MYH11: variants seen among roughly 807,000 people sequenced by gnomAD.
MYH11 encodes myosin-11.
In MYH11, 80 loss-of-function variants were observed where a neutral mutation model predicts 246.6. That is an observed-to-expected ratio of 0.32 (90% CI 0.27 to 0.39). MYH11 has a LOEUF of 0.39. MYH11 is among the 10% of genes least tolerant of loss of function. The pLI is 1.00. For missense variants in MYH11, 2,158 were observed against 2,546.8 expected (o/e 0.85, Z 3.29); for synonymous variants, 1,071 against 1,015.5 (o/e 1.05, Z -1.04).
Position 15,756,257 on chromosome 16 carries a change from T to C in MYH11, c.1749+84A>G, listed in dbSNP as rs2151272704. ...TTTGCAGTTTCCAGGCAGCCCAAGG[T>C]TCTGCCACTCTCAGACTGTCTCTGC... On this transcript the variant is annotated intron_variant, in intron 14 of 40. Coordinates refer to ENST00000300036, the MANE Select transcript of MYH11 (RefSeq NM_002474.3). 4.0e-6 allele frequency: 6 copies of C among 1,481,516 alleles called. No homozygotes were observed. The East Asian group carries it at 1.4e-4, about 35-fold the overall frequency. 91.8% of individuals were successfully genotyped at this position (1,481,516 alleles called of 1,614,324 possible).
chr16:15,855,806 CA>C (rs1334602720), intron 1 of MYH11, among the ~76,000 whole-genome samples: 1 of 152,170 alleles, frequency 6.6e-6, no homozygotes, highest in African/African-American at 2.4e-5. Context: ...ATCAAAGAAA[CA>C]AAAAACTATG....
chr16:15,720,596 A>G (rs946675643), intron 33 of MYH11, among the ~76,000 whole-genome samples: 11 of 152,016 alleles, frequency 7.2e-5, no homozygotes, highest in Non-Finnish European at 1.6e-4. Context: ...TGAAAAAAAA[A>G]AAAAAATTAG....
Position 15,724,700 on chromosome 16 carries a change from C to T in MYH11, c.4063G>A (p.Glu1355Lys). 2 of 1,614,196 alleles carry T rather than the reference C, an allele frequency of 1.2e-6. No homozygotes were observed. The highest frequency in any genetic ancestry group is 1.1e-5 in the South Asian group (1 of 91,086). ...TCCAGGTTCTGCTTGGCCTCCATCT[C>T]CTCGTCCAGCTGGTCTTGCAGGCTG... ...RNSLQDQLDE[E>K]MEAKQNLERH... Residue 1355 changes from glutamate to lysine, a missense_variant, in exon 30 of 41, where the codon GAG becomes AAG. Transcript: ENST00000300036.
Position 15,852,036 on chromosome 16 carries a change from G to T in MYH11, c.-18+4905C>A, listed in dbSNP as rs548638552. Among the ~76,000 whole-genome samples, 72 of 152,308 alleles carry T rather than the reference G, an allele frequency of 4.7e-4. No individual in the cohort carries two copies. The South Asian group carries it at 9.7e-3, about 21-fold the overall frequency. On this transcript the variant is annotated intron_variant, in intron 1 of 40. Coordinates refer to ENST00000300036, the MANE Select transcript of MYH11 (RefSeq NM_002474.3). Reference sequence around the variant, plus strand: ...TGTTAGGAACCAGGCCACATAGCAGGAGGGGACGGTGGGTGAGTGACCATC... The same window carrying T: ...TGTTAGGAACCAGGCCACATAGCAGTAGGGGACGGTGGGTGAGTGACCATC...
chr16:15,786,662 A>G lies in MYH11; in HGVS notation c.601T>C (p.Ser201Pro). 1 of 1,614,064 alleles carries G rather than the reference A, an allele frequency of 6.2e-7. No individual in the cohort carries two copies. Among genetic ancestry groups the G allele is most frequent in the Non-Finnish European group, 8.5e-7 (1 of 1,179,998 alleles). The change falls in exon 5 of 41, where the codon TCC becomes CCC. Residue 201 changes from serine to proline, a missense_variant. By Grantham distance (74) the Ser-to-Pro change is moderately conservative (BLOSUM62 -1). Coordinates refer to ENST00000300036, the MANE Select transcript of MYH11 (RefSeq NM_002474.3). ...CTTGTGTCTTTCTTGCCCTTGTGGG[A>G]GGAGGCCACCACGGCCAGGTACTGA... is the stretch of plus-strand genomic sequence containing the variant. ...VIQYLAVVASSHKGKKDTSIT... is the reference protein window; with the variant it reads ...VIQYLAVVASPHKGKKDTSIT...
chr16:15,836,705 AT>A (rs956437934), intron 2 of MYH11, among the ~76,000 whole-genome samples: 40 of 132,388 alleles, frequency 3.0e-4, no homozygotes, highest in African/African-American at 1.0e-3. Flanking sequence ...CAGCTAATAA[AT>A]TTTTTAATGT....
intron 8 of MYH11, among the ~76,000 whole-genome samples, chr16:15,773,709 A>G (rs1388695045): frequency 1.3e-5 from 2 of 152,068 alleles, no homozygotes; most frequent in Non-Finnish European, 2.9e-5. Flanking sequence ...GTCCTTGTTT[A>G]TTTCTCATGG....
At chr16:15,755,958 C>T (rs777708435) in intron 14 of MYH11, among the ~76,000 whole-genome samples, 1 of 151,766 alleles carries the variant, frequency 6.6e-6, no homozygotes, top group Non-Finnish European at 1.5e-5. Flanking sequence ...TTTAGCTGGG[C>T]ATGGTGGTGT....
intron 40 of MYH11, among the ~76,000 whole-genome samples, chr16:15,706,247 C>G (rs1227013048): frequency 1.3e-5 from 2 of 152,204 alleles, no homozygotes; most frequent in East Asian, 3.9e-4. Context: ...CTCCATCCTT[C>G]TCTCTCTAGA....
At chr16:15,834,725 G>A (rs535861021) in intron 2 of MYH11, among the ~76,000 whole-genome samples, 1 of 152,176 alleles carries the variant, frequency 6.6e-6, no homozygotes, top group Admixed American at 6.6e-5. Flanking sequence ...GGGATGCTGT[G>A]TTAAATAAAA....
chr16:15,790,479 T>C (rs886695885), intron 4 of MYH11, among the ~76,000 whole-genome samples: 7 of 152,094 alleles, frequency 4.6e-5, no homozygotes, highest in African/African-American at 1.4e-4. Context: ...CCAAGTTCTG[T>C]TGAGAAAAAT....
chr16:15,771,022 T>C lies in MYH11; in HGVS notation c.1033+547A>G, dbSNP rs182778067. ...AACTTTTTTTTTTTTTGAGATGGAG[T>C]CTAGCTCCATCTCCCAAGCTGGAGT... On this transcript the variant is annotated intron_variant, in intron 9 of 40. Coordinates refer to ENST00000300036, the MANE Select transcript of MYH11 (RefSeq NM_002474.3). 6.6e-5 allele frequency among the ~76,000 whole-genome samples: 10 copies of C among 150,450 alleles called. No individual in the cohort carries two copies. The East Asian group carries it at 2.0e-3, about 29-fold the overall frequency.
rs201466303 is a variant in MYH11, at chr16:15,715,695, C to T, written c.5505-423G>A. Among the ~76,000 whole-genome samples, 6 of 152,224 alleles carry T rather than the reference C, an allele frequency of 3.9e-5. No homozygotes were observed. The East Asian group carries it at 1.2e-3, about 29-fold the overall frequency. Reference sequence around the variant, plus strand: ...GTTGGAGTGCAGTGGTGCTCCAATGCCTGCTCTTCACCCTAGTTCATAGTT... The same window carrying T: ...GTTGGAGTGCAGTGGTGCTCCAATGTCTGCTCTTCACCCTAGTTCATAGTT... On this transcript the variant is annotated intron_variant, in intron 38 of 40. Coordinates refer to ENST00000300036, the MANE Select transcript of MYH11 (RefSeq NM_002474.3).
At chr16:15,801,711 C>T (rs76543374) in intron 3 of MYH11, among the ~76,000 whole-genome samples, 8,777 of 151,668 alleles carry the variant, frequency 0.058, 791 homozygotes, top group African/African-American at 0.2. Context: ...AATCCCAGCA[C>T]TTCGGAAGGC....
chr16:15,725,224 C>G, intron 28 of MYH11: 1 of 607,260 alleles, frequency 1.6e-6, no homozygotes, highest in Non-Finnish European at 2.9e-6. Flanking sequence ...GACCCTGGCC[C>G]TAGACTCTGT....
intron 34 of MYH11, 112 bp from the exon 35 acceptor site, chr16:15,719,825 G>T (rs536761923): frequency 1.4e-6 from 2 of 1,470,256 alleles, no homozygotes; most frequent in South Asian, 1.1e-5. Context: ...TGACCACAAA[G>T]AAGTTCCCAT....
At chr16:15,850,323 T>G (rs1027393866) in intron 1 of MYH11, among the ~76,000 whole-genome samples, 1 of 151,900 alleles carries the variant, frequency 6.6e-6, no homozygotes, top group African/African-American at 2.4e-5. Context: ...AGGTGGAGGG[T>G]GCAGTGAGCT....
intron 40 of MYH11, 198 bp downstream of exon 40, chr16:15,714,711 C>CAGGCA (rs2040018375): frequency 2.9e-6 from 2 of 682,806 alleles, no homozygotes; most frequent in East Asian, 5.2e-5. Context: ...TAGCTGCTAC[C>CAGGCA]AGGCAAGGCA....
In MYH11 at chr16:15,721,466, C is replaced by T. The variant is rs1596721070; in HGVS notation, c.4534G>A (p.Glu1512Lys). ...TTGGAGCTGACCAGGTCTTCCATTT[C>T]GGCTTTGAGCATTTTGTTGGTCCGC... Reference protein sequence around the residue: ...LERTNKMLKAEMEDLVSSKDD... With the variant: ...LERTNKMLKAKMEDLVSSKDD... The change falls in exon 32 of 41, where the codon GAA becomes AAA. Residue 1512 changes from glutamate to lysine, a missense_variant. This residue lies in a region of MYH11 where 1,013 missense variants were observed against 993.5 expected (regional missense o/e 1.02). Coordinates refer to ENST00000300036, the MANE Select transcript of MYH11 (RefSeq NM_002474.3). 6 of 1,614,178 alleles carry T rather than the reference C, an allele frequency of 3.7e-6. No homozygotes were observed. The highest frequency in any genetic ancestry group is 2.2e-5 in the East Asian group (1 of 44,874).
Sources: allele counts gnomAD v4.1 joint callset (sites outside exome capture counted in the v4.1 genomes callset), GRCh38; gene constraint gnomAD v4.1.1; regional missense constraint gnomAD v4.1.1; transcripts MANE v1.5; gene names NCBI Gene and HGNC (gene_info 2026-07-23, HGNC 2026-07-21).